RGS6: variants seen among roughly 807,000 people sequenced by gnomAD.
The protein encoded by RGS6 is regulator of G-protein signaling 6.
Under a neutral mutation model 78.5 loss-of-function variants are expected in RGS6, and 30 were observed. The observed-to-expected ratio is 0.38, with a 90% CI of 0.29 to 0.52. RGS6 has a LOEUF of 0.52. Ranked by LOEUF, RGS6 falls within the 20% of genes least tolerant of loss-of-function variation. The probability of loss-of-function intolerance (pLI) is 0.85; values close to 1 mark genes in which losing one functional copy is unlikely to be tolerated. For missense variants in RGS6, 495 were observed against 609.7 expected (o/e 0.81, Z 1.98); for synonymous variants, 206 against 206.0 (o/e 1.00, Z 0.00).
At chr14:71,885,890 T>C in the RGS6 span, among the ~76,000 whole-genome samples, 3 of 151,846 alleles carry the variant, frequency 2.0e-5, no homozygotes, top group South Asian at 6.3e-4. Flanking sequence ...TTTCTTTCCT[T>C]CCTTCCTTCC....
At chr14:72,354,629 CA>C (rs1011547628) in intron 3 of RGS6, among the ~76,000 whole-genome samples, 13 of 147,242 alleles carry the variant, frequency 8.8e-5, no homozygotes, top group Non-Finnish European at 9.0e-5. Context: ...GACTCCATCT[CA>C]AAAAAAAAAG....
intron 2 of RGS6, among the ~76,000 whole-genome samples, chr14:72,014,686 G>A (rs1038703061): frequency 1.3e-5 from 2 of 152,192 alleles, no homozygotes; most frequent in Admixed American, 6.5e-5. Flanking sequence ...AACATTACAT[G>A]CCAGATAGGC....
chr14:71,930,532 A>G (rs760713448), upstream of RGS6, among the ~76,000 whole-genome samples: 21 of 152,248 alleles, frequency 1.4e-4, no homozygotes, highest in Non-Finnish European at 2.5e-4. Context: ...GAAAATACAT[A>G]TCTAATTCCT....
rs139770357 is a variant in RGS6, at chr14:72,036,264, CGTTTT to C, written c.84+71415_84+71419del. 2.3e-3 allele frequency among the ~76,000 whole-genome samples: 345 copies of C among 149,752 alleles called. 1 individual carries two copies. Among genetic ancestry groups the C allele is most frequent in the African/African-American group, 7.2e-3 (292 of 40,514 alleles). On this transcript the variant is annotated intron_variant, in intron 2 of 17. Transcript: ENST00000553525. ...AGAATTCCACTGTGTGAACATAACC[CGTTTT>C]GTTTTGTTTTGTTTTGTTTTGTTTT... is the stretch of plus-strand genomic sequence containing the variant.
intron 2 of RGS6, among the ~76,000 whole-genome samples, chr14:72,222,466 G>T (rs1400922232): frequency 6.6e-6 from 1 of 152,204 alleles, no homozygotes; most frequent in Non-Finnish European, 1.5e-5. Flanking sequence ...TACCATGCAG[G>T]GTGGGACAGA....
chr14:71,937,445 T>C (rs1391059229), intron 1 of RGS6, among the ~76,000 whole-genome samples: 2 of 152,154 alleles, frequency 1.3e-5, no homozygotes, highest in South Asian at 2.1e-4. Context: ...AACAGTACCA[T>C]ATATTGGATG....
At chr14:71,948,015 C>T (rs1311177958) in intron 1 of RGS6, among the ~76,000 whole-genome samples, 1 of 152,168 alleles carries the variant, frequency 6.6e-6, no homozygotes, top group African/African-American at 2.4e-5. Flanking sequence ...GAAGCAAAAT[C>T]CAAGTATCTC....
chr14:72,296,548 T>C (rs2064859807), intron 2 of RGS6, among the ~76,000 whole-genome samples: 1 of 152,246 alleles, frequency 6.6e-6, no homozygotes, highest in African/African-American at 2.4e-5. Flanking sequence ...TCTCATGTAG[T>C]TTTAATTTGC....
intron 3 of RGS6, among the ~76,000 whole-genome samples, chr14:72,434,511 T>C (rs182672889): frequency 6.8e-4 from 103 of 152,300 alleles, no homozygotes; most frequent in African/African-American, 2.4e-3. Flanking sequence ...AGCTGAAAGT[T>C]ACTGATCACA....
chr14:72,471,405 G>C (rs1188685143), intron 8 of RGS6, among the ~76,000 whole-genome samples: 1 of 152,204 alleles, frequency 6.6e-6, no homozygotes, highest in South Asian at 2.1e-4. Context: ...AGCCAGGATG[G>C]TTAGTTAACA....
chr14:72,474,820 C>A, intron 10 of RGS6, 121 bp downstream of exon 10: 2 of 822,920 alleles, frequency 2.4e-6, no homozygotes, highest in Non-Finnish European at 3.8e-6. Flanking sequence ...AAACCATAAC[C>A]ATTTCACAAA....
chr14:72,296,304 T>G (rs67838629), intron 2 of RGS6, among the ~76,000 whole-genome samples: 8,904 of 152,310 alleles, frequency 0.058, 438 homozygotes, highest in East Asian at 0.31. Context: ...ATGAAAAGCC[T>G]TGTTCAAGGC....
chr14:72,491,346 A>C (rs201760840), intron 12 of RGS6, among the ~76,000 whole-genome samples: 3 of 24,268 alleles, frequency 1.2e-4, no homozygotes, highest in Non-Finnish European at 1.5e-4. Flanking sequence ...ATTAAAAAAG[A>C]AAAAAATCTG....
At chr14:72,432,711 C>G (rs959021648) in intron 3 of RGS6, among the ~76,000 whole-genome samples, 3 of 152,230 alleles carry the variant, frequency 2.0e-5, no homozygotes, top group Non-Finnish European at 4.4e-5. Flanking sequence ...AGCATCTCTG[C>G]TTCCAGAAAG....
At chr14:71,949,780 A>ATTTTTTTTTTTT (rs3053024) in intron 1 of RGS6, among the ~76,000 whole-genome samples, 1 of 128,924 alleles carries the variant, frequency 7.8e-6, no homozygotes, top group Non-Finnish European at 1.7e-5. Flanking sequence ...TAGAAGCTCT[A>ATTTTTTTTTTTT]TTTTTTTTTT....
chr14:71,975,965 A>G (rs1283292256), intron 2 of RGS6, among the ~76,000 whole-genome samples: 1 of 151,968 alleles, frequency 6.6e-6, no homozygotes, highest in Non-Finnish European at 1.5e-5. Flanking sequence ...CAGTTCACTA[A>G]TTCTCTCTTC....
intron 2 of RGS6, among the ~76,000 whole-genome samples, chr14:72,266,845 G>T (rs1252544931): frequency 6.6e-6 from 1 of 152,210 alleles, no homozygotes; most frequent in Non-Finnish European, 1.5e-5. Flanking sequence ...CCACAGCCAG[G>T]CTGGGTGAGG....
At chr14:72,494,800 A>T (rs1405215031) in intron 12 of RGS6, among the ~76,000 whole-genome samples, 1 of 152,174 alleles carries the variant, frequency 6.6e-6, no homozygotes, top group Non-Finnish European at 1.5e-5. Flanking sequence ...CTCGAGAATC[A>T]GTCTTTGTGG....
At chr14:72,622,304 G>GA in the RGS6 span, among the ~76,000 whole-genome samples, 1 of 151,990 alleles carries the variant, frequency 6.6e-6, no homozygotes, top group Non-Finnish European at 1.5e-5. Context: ...GACAGGCAGA[G>GA]AAAAAAAGAC....
Sources: allele counts gnomAD v4.1 joint callset (sites outside exome capture counted in the v4.1 genomes callset), GRCh38; gene constraint gnomAD v4.1.1; transcripts MANE v1.5; gene names NCBI Gene and HGNC (gene_info 2026-07-23, HGNC 2026-07-21).